ENPEP: variants seen among roughly 807,000 people sequenced by gnomAD.
ENPEP encodes the protein glutamyl aminopeptidase, also known as AP-A.
ENPEP carries 103 observed loss-of-function variants against 114.5 expected under a neutral mutation model. The ratio of observed to expected loss-of-function variants is 0.90; its 90% confidence interval spans 0.77 to 1.06. ENPEP has a LOEUF of 1.06. ENPEP is among the 50% of genes least tolerant of loss of function. The pLI, the probability that ENPEP is intolerant of heterozygous loss-of-function variation, is 0.00. For synonymous variants in ENPEP, 420 were observed against 422.0 expected, an observed-to-expected ratio of 1.00 and a Z score of 0.06; for missense variants, 1,196 against 1,161.3, an observed-to-expected ratio of 1.03 and a Z score of -0.43.
intron 11 of ENPEP, among the ~76,000 whole-genome samples, chr4:110,537,163 G>C (rs1366683601): frequency 2.0e-5 from 3 of 152,096 alleles, no homozygotes; most frequent in Non-Finnish European, 4.4e-5. Context: ...GACTTGGGTG[G>C]CTGTGGCAAT....
intron 3 of ENPEP, among the ~76,000 whole-genome samples, chr4:110,502,204 T>G (rs1002009714): frequency 3.3e-5 from 5 of 152,236 alleles, no homozygotes; most frequent in African/African-American, 1.2e-4. Context: ...ATGCATAGTT[T>G]GCAAATATTT....
At chr4:110,546,894 T>C (rs1727090114) in intron 13 of ENPEP, among the ~76,000 whole-genome samples, 1 of 152,048 alleles carries the variant, frequency 6.6e-6, no homozygotes, top group African/African-American at 2.4e-5. Flanking sequence ...GGGAACTTTA[T>C]GCCCTTCACA....
At position 110,531,335 on chromosome 4, in the gene ENPEP, T is replaced by C; in HGVS notation, c.1807+58T>C. On this transcript the variant is annotated intron_variant, in intron 11 of 19. Transcript: ENST00000265162. ...GAATTGATGTACCACATTAAACTAA[T>C]ATAAGTATAAAGATGCAACAGTAAA... is the stretch of plus-strand genomic sequence containing the variant. 4 of 1,275,332 alleles carry C rather than the reference T, an allele frequency of 3.1e-6. No homozygotes were observed. The South Asian group carries it at 7.2e-5, about 23-fold the overall frequency. 79.0% of individuals were successfully genotyped at this position (1,275,332 alleles called of 1,614,324 possible). A position where few individuals can be genotyped will look rare whatever the true frequency, so the allele number is the denominator to read the frequency against.
Position 110,510,358 on chromosome 4 carries a change from G to T in ENPEP, c.1308G>T (p.Met436Ile), listed in dbSNP as rs1725529371. 1 of 1,609,890 alleles carries T rather than the reference G, an allele frequency of 6.2e-7. No individual in the cohort carries two copies. Among genetic ancestry groups the T allele is most frequent in the African/African-American group, 1.3e-5 (1 of 74,822 alleles). Residue 436 changes from methionine to isoleucine, a missense_variant and splice_region_variant, in exon 6 of 20, where the codon ATG becomes ATT. Coordinates refer to ENST00000265162, the MANE Select transcript of ENPEP (RefSeq NM_001977.4). Reference protein sequence around the residue: ...GVNHAETDWQMRDQMLLEDVL... With the variant: ...GVNHAETDWQIRDQMLLEDVL... ...ACCATGCAGAAACAGACTGGCAAAT[G>T]GTGAGTCCTAAACACATAAACTTGA...
chr4:110,491,104 GGT>G lies in ENPEP; in HGVS notation c.862_863del (p.Cys288LeufsTer7). The G allele has an allele frequency of 6.2e-7, 1 of 1,612,362 alleles. No homozygotes were observed. ...EKSVPMSTYL[V>X]CFAVHQFDSV... ...AGTCTGTCCCCATGAGCACGTACCT[GGT>G]GTGCTTTGCTGTACATCAATTTGAC... On this transcript the variant is annotated frameshift_variant, in exon 3 of 20. Coordinates refer to ENST00000265162, the MANE Select transcript of ENPEP (RefSeq NM_001977.4). LOFTEE classifies it high-confidence loss of function.
chr4:110,515,937 A>G (rs1252446614), intron 8 of ENPEP: 6 of 371,520 alleles, frequency 1.6e-5, no homozygotes, highest in Non-Finnish European at 3.2e-5. Context: ...TTATAAGGAT[A>G]CTGGTTCCAC....
chr4:110,523,023 T>C (rs1726063972), intron 10 of ENPEP, among the ~76,000 whole-genome samples: 1 of 152,064 alleles, frequency 6.6e-6, no homozygotes, highest in African/African-American at 2.4e-5. Context: ...AAGGAAATGC[T>C]CAGGGTGCTG....
At chr4:110,491,267 GA>G in intron 3 of ENPEP, 103 bp downstream of exon 3, 2 of 1,166,198 alleles carry the variant, frequency 1.7e-6, no homozygotes, top group Non-Finnish European at 2.3e-6. Context: ...CAACATGCCT[GA>G]AAAGCCCTTT....
chr4:110,488,829 G>T (rs1338532699), intron 2 of ENPEP, 147 bp downstream of exon 2: 2 of 1,171,186 alleles, frequency 1.7e-6, no homozygotes, highest in Non-Finnish European at 2.3e-6. Context: ...ATACATTTTG[G>T]CAATCTTTTT....
At chr4:110,482,050 G>A (rs2110331530) in intron 1 of ENPEP, among the ~76,000 whole-genome samples, 1 of 152,244 alleles carries the variant, frequency 6.6e-6, no homozygotes. Flanking sequence ...CCCTTACGGA[G>A]GAAAAGGAAA....
chr4:110,536,134 GAATT>G (rs1380736582), intron 11 of ENPEP, among the ~76,000 whole-genome samples: 9 of 104,988 alleles, frequency 8.6e-5, no homozygotes, highest in Middle Eastern at 5.4e-3. Context: ...AAAAAAAAAA[GAATT>G]AAGGAAGAGT....
chr4:110,476,798 C>G lies in ENPEP; in HGVS notation c.384C>G (p.Pro128=). The change falls in exon 1 of 20, where the codon CCC becomes CCG. Residue 128 remains proline (P), a synonymous_variant. Transcript: ENST00000265162. ...TVSISINLSA[P]TRYLWLHLRE... ...GCATCTCCATCAACCTGAGCGCTCC[C>G]ACCCGGTACCTGTGGCTGCACCTCC... 1 of 1,614,184 alleles carries G rather than the reference C, an allele frequency of 6.2e-7. No homozygotes were observed. The highest frequency in any genetic ancestry group is 8.5e-7 in the Non-Finnish European group (1 of 1,180,034).
In ENPEP at chr4:110,513,439, G is replaced by A. The variant is rs373034509; in HGVS notation, c.1333G>A (p.Val445Ile). 14 of 1,612,694 alleles carry A rather than the reference G, an allele frequency of 8.7e-6. No homozygotes were observed. In the African/African-American group the frequency reaches 1.7e-4, roughly 20 times the overall value. ...QMRDQMLLED[V>I]LPVQEDDSLM... ...GCGTGACCAAATGTTACTTGAAGAT[G>A]TATTACCTGTTCAAGAGGATGATTC... Residue 445 changes from valine (V) to isoleucine (I), a missense_variant, in exon 7 of 20, where the codon GTA becomes ATA. Val to Ile is a conservative substitution (Grantham distance 29). Transcript: ENST00000265162.
Position 110,491,810 on chromosome 4 carries a change from T to TC in ENPEP, c.918+649dup, listed in dbSNP as rs1430237891. ...ATCTCAGCTCACTGCAACCTCCACC[T>TC]CCCGGGTTCAAGTGATTCTCTTGCC... On this transcript the variant is annotated intron_variant, in intron 3 of 19. Coordinates refer to ENST00000265162, the MANE Select transcript of ENPEP (RefSeq NM_001977.4). 1.4e-4 allele frequency among the ~76,000 whole-genome samples: 20 copies of TC among 146,940 alleles called. No homozygotes were observed. In the Middle Eastern group the frequency reaches 0.014, roughly 103 times the overall value.
At position 110,515,236 on chromosome 4, in the gene ENPEP, A is replaced by G. The variant is rs561746919; in HGVS notation, c.1444-141A>G. The stretch of plus-strand genomic sequence containing the variant: ...TGGTATTTTCATCCTAAAATCATAG[A>G]GCCATATAATTTAGCAGAATCATCT... On this transcript the variant is annotated intron_variant, in intron 7 of 19. Coordinates refer to ENST00000265162, the MANE Select transcript of ENPEP (RefSeq NM_001977.4). The G allele has an allele frequency of 2.3e-5, 15 of 665,934 alleles. No homozygotes were observed. The African/African-American group carries it at 2.6e-4, about 12-fold the overall frequency. 41.3% of individuals were successfully genotyped at this position (665,934 alleles called of 1,614,324 possible). A position where few individuals can be genotyped will look rare whatever the true frequency, so the allele number is the denominator to read the frequency against.
At chr4:110,551,056 C>T (rs986161776) in intron 17 of ENPEP, among the ~76,000 whole-genome samples, 2 of 149,076 alleles carry the variant, frequency 1.3e-5, no homozygotes, top group Non-Finnish European at 1.5e-5. Flanking sequence ...GAGTTCAAGA[C>T]CAACCTGGGC....
At position 110,476,397 on chromosome 4, in the gene ENPEP, T is replaced by C; in HGVS notation, c.-18T>C. On this transcript the variant is annotated 5_prime_UTR_variant, in exon 1 of 20. Coordinates refer to ENST00000265162, the MANE Select transcript of ENPEP (RefSeq NM_001977.4). The stretch of plus-strand genomic sequence containing the variant: ...TTTAACATCTTTTTATGTGTAACAC[T>C]TGACTTTGGAAGCAAAAATGAACTT... 2 of 1,510,770 alleles carry C rather than the reference T, an allele frequency of 1.3e-6. No homozygotes were observed. The allele number at this position is 1,510,770 out of a possible 1,614,324, so 93.6% of individuals were successfully genotyped here.
At chr4:110,548,105 G>T in intron 13 of ENPEP, 71 bp from the exon 14 acceptor site, 1 of 1,349,398 alleles carries the variant, frequency 7.4e-7, no homozygotes, top group Non-Finnish European at 9.5e-7. Flanking sequence ...CAGTTAAATG[G>T]AAACTAAAGT....
rs1724142756 is a variant in ENPEP at position 110,477,057 on chromosome 4, A to G, written c.643A>G (p.Lys215Glu). 1 of 1,608,034 alleles carries G rather than the reference A, an allele frequency of 6.2e-7. No homozygotes were observed. Among genetic ancestry groups the G allele is most frequent in the Non-Finnish European group, 8.5e-7 (1 of 1,176,226 alleles). ...RTTYTENGQVKSIVATDHEPT... is the reference protein window; with the variant it reads ...RTTYTENGQVESIVATDHEPT... ...CACCTACACGGAGAACGGACAAGTC[A>G]AGTAAATATTAATTTTTGCTTTACC... Residue 215 changes from lysine to glutamate, a missense_variant and splice_region_variant, in exon 1 of 20, where the codon AAG becomes GAG. By Grantham distance (56) the Lys-to-Glu change is moderately conservative. Transcript: ENST00000265162.
Sources: gnomAD v4.1 joint callset for allele counts (sites outside exome capture counted in the v4.1 genomes callset) on GRCh38, gnomAD v4.1.1 for gene constraint, MANE v1.5 for transcripts, NCBI Gene and HGNC (gene_info 2026-07-23, HGNC 2026-07-21) for gene names.